The following SPAG16 variants were observed in gnomAD, a reference collection of about 807,000 sequenced individuals.
SPAG16 encodes sperm associated antigen 16.
A neutral mutation model predicts 80.4 loss-of-function variants in SPAG16; 86 were observed. The ratio of observed to expected loss-of-function variants is 1.07; its 90% CI spans 0.90 to 1.28. SPAG16 has a LOEUF of 1.28. Among genes scored for constraint, SPAG16 ranks in the 50% most tolerant of loss-of-function variants. The probability of loss-of-function intolerance (pLI) is 0.00; values close to 1 mark genes in which losing one functional copy is unlikely to be tolerated. For synonymous variants in SPAG16, 294 were observed against 265.9 expected (o/e 1.11, Z -1.03); for missense variants, 870 against 765.3 (o/e 1.14, Z -1.61).
intron 13 of SPAG16, among the ~76,000 whole-genome samples, chr2:214,017,071 A>T (rs2047626679): frequency 6.6e-6 from 1 of 152,142 alleles, no homozygotes; most frequent in South Asian, 2.1e-4. Flanking sequence ...TATAGAAAAA[A>T]CTAAGGTAGA....
chr2:214,395,308 AT>A (rs1436720140), intron 15 of SPAG16, among the ~76,000 whole-genome samples: 3 of 152,166 alleles, frequency 2.0e-5, no homozygotes, highest in Admixed American at 6.5e-5. Context: ...TAGCTGTAAC[AT>A]TTTGCATCCT....
At chr2:214,144,457 TTATC>T (rs2055530069) in intron 14 of SPAG16, among the ~76,000 whole-genome samples, 1 of 152,264 alleles carries the variant, frequency 6.6e-6, no homozygotes, top group African/African-American at 2.4e-5. Context: ...TTATAATTAT[TTATC>T]TAAGATATTC....
chr2:213,381,572 A>C (rs1221301087), intron 9 of SPAG16, among the ~76,000 whole-genome samples: 3 of 152,232 alleles, frequency 2.0e-5, no homozygotes, highest in Non-Finnish European at 4.4e-5. Context: ...ACAAGGCTAC[A>C]TGATCCTATT....
intron 9 of SPAG16, among the ~76,000 whole-genome samples, chr2:213,475,803 A>G (rs1356751747): frequency 2.0e-5 from 3 of 152,200 alleles, no homozygotes; most frequent in Non-Finnish European, 4.4e-5. Context: ...TCCTTCTCAA[A>G]CAAAGGAAAG....
chr2:213,799,451 A>G (rs1376665335), intron 10 of SPAG16, among the ~76,000 whole-genome samples: 1 of 152,124 alleles, frequency 6.6e-6, no homozygotes, highest in Non-Finnish European at 1.5e-5. Context: ...CAAATATTTT[A>G]TGAGAGTTTA....
chr2:214,301,067 A>AAT (rs2125953531), intron 15 of SPAG16, among the ~76,000 whole-genome samples: 1 of 145,960 alleles, frequency 6.9e-6, no homozygotes, highest in South Asian at 2.1e-4. Context: ...TAATAATAAT[A>AAT]AAAGTTAGCA....
chr2:213,729,488 AT>A (rs749867588), intron 10 of SPAG16, among the ~76,000 whole-genome samples: 1 of 152,222 alleles, frequency 6.6e-6, no homozygotes, highest in Non-Finnish European at 1.5e-5. Flanking sequence ...GCAAACTGAG[AT>A]GCTTAGTTTT....
At chr2:213,645,644 C>T (rs963908538) in intron 10 of SPAG16, among the ~76,000 whole-genome samples, 3 of 152,074 alleles carry the variant, frequency 2.0e-5, no homozygotes, top group Non-Finnish European at 4.4e-5. Context: ...AGTCCTCTCC[C>T]TTCTTCTCTC....
At chr2:213,677,420 A>T (rs1389353789) in intron 10 of SPAG16, among the ~76,000 whole-genome samples, 2 of 152,148 alleles carry the variant, frequency 1.3e-5, no homozygotes, top group Admixed American at 1.3e-4. Context: ...AGGATGGAGG[A>T]AGATCTACCA....
intron 1 of SPAG16, among the ~76,000 whole-genome samples, chr2:213,285,056 T>C (rs2062004925): frequency 6.6e-6 from 1 of 152,168 alleles, no homozygotes; most frequent in Non-Finnish European, 1.5e-5. Flanking sequence ...CCATTGGACT[T>C]TAAGGAGCTG....
At chr2:214,153,089 C>T (rs574084783) in intron 15 of SPAG16, among the ~76,000 whole-genome samples, 10 of 152,068 alleles carry the variant, frequency 6.6e-5, no homozygotes, top group South Asian at 2.1e-4. Flanking sequence ...TAAACTGCCC[C>T]GGGGAAAGGG....
intron 12 of SPAG16, among the ~76,000 whole-genome samples, chr2:214,000,465 C>T (rs909397827): frequency 6.6e-6 from 1 of 152,202 alleles, no homozygotes; most frequent in South Asian, 2.1e-4. Context: ...TGAAAACAGA[C>T]TAATATAGGA....
chr2:214,345,813 T>A (rs1048137689), intron 15 of SPAG16, among the ~76,000 whole-genome samples: 1 of 152,140 alleles, frequency 6.6e-6, no homozygotes, highest in African/African-American at 2.4e-5. Flanking sequence ...TAAAAGCACA[T>A]CATATATATT....
At chr2:214,376,008 G>T (rs573732803) in intron 15 of SPAG16, among the ~76,000 whole-genome samples, 2 of 151,860 alleles carry the variant, frequency 1.3e-5, no homozygotes, top group Non-Finnish European at 2.9e-5. Flanking sequence ...AGATCTATAT[G>T]CTTCAGATTC....
At chr2:213,554,774 C>T (rs1181865093) in intron 10 of SPAG16, among the ~76,000 whole-genome samples, 2 of 151,230 alleles carry the variant, frequency 1.3e-5, no homozygotes, top group Non-Finnish European at 2.9e-5. Flanking sequence ...AATTTGAAGA[C>T]AGGCTATTTT....
At chr2:213,663,029 G>A (rs960807029) in intron 10 of SPAG16, among the ~76,000 whole-genome samples, 1 of 151,996 alleles carries the variant, frequency 6.6e-6, no homozygotes, top group Non-Finnish European at 1.5e-5. Flanking sequence ...GGTAATTTGG[G>A]CTTAGATGGA....
At chr2:213,801,012 A>T (rs2071361586) in intron 10 of SPAG16, among the ~76,000 whole-genome samples, 1 of 152,198 alleles carries the variant, frequency 6.6e-6, no homozygotes, top group African/African-American at 2.4e-5. Flanking sequence ...CATCATTATC[A>T]CCAATAGCAT....
intron 9 of SPAG16, among the ~76,000 whole-genome samples, chr2:213,384,050 C>T (rs2067306174): frequency 6.6e-6 from 1 of 152,114 alleles, no homozygotes; most frequent in African/African-American, 2.4e-5. Context: ...GCAATTTAGG[C>T]TGTTACTTGG....
At chr2:213,407,619 GA>G (rs2068694623) in intron 9 of SPAG16, among the ~76,000 whole-genome samples, 1 of 132,116 alleles carries the variant, frequency 7.6e-6, no homozygotes, top group African/African-American at 2.6e-5. Context: ...GAGAGAGAGA[GA>G]GAGAGAGAGA....
Sources: gnomAD v4.1 joint callset for allele counts (sites outside exome capture counted in the v4.1 genomes callset) on GRCh38, gnomAD v4.1.1 for gene constraint, MANE v1.5 for transcripts, NCBI Gene and HGNC (gene_info 2026-07-23, HGNC 2026-07-21) for gene names.